Variants in POLR1E observed in about 807,000 individuals in gnomAD.
POLR1E encodes DNA-directed RNA polymerase I subunit RPA49.
Under a neutral mutation model 50.9 loss-of-function variants are expected in POLR1E, and 37 were observed. The ratio of observed to expected loss-of-function variants is 0.73; its 90% CI spans 0.56 to 0.96. The LOEUF (loss-of-function observed/expected upper bound fraction) is 0.96. Among genes scored for constraint, POLR1E ranks in the 40% least tolerant of loss-of-function variants. The pLI is 0.00. For synonymous variants in POLR1E, 166 were observed against 191.6 expected (o/e 0.87, Z 1.10); for missense variants, 426 against 518.1 (o/e 0.82, Z 1.73).
At chr9:37,499,525 G>A (rs981091781) in intron 9 of POLR1E, among the ~76,000 whole-genome samples, 11 of 93,908 alleles carry the variant, frequency 1.2e-4, no homozygotes, top group Non-Finnish European at 2.4e-5. Flanking sequence ...TTGTTTTTTT[G>A]TTTTGTTTTT....
At chr9:37,492,354 C>T in intron 4 of POLR1E, 1 of 1,284,154 alleles carries the variant, frequency 7.8e-7, no homozygotes, top group Non-Finnish European at 1.0e-6. Flanking sequence ...GTCTCTGCCA[C>T]TACCTGGTGA....
intron 2 of POLR1E, 138 bp downstream of exon 2, chr9:37,486,944 A>T: frequency 9.7e-7 from 1 of 1,030,108 alleles, no homozygotes; most frequent in Non-Finnish European, 1.4e-6. Flanking sequence ...GATGCCCAGC[A>T]GCCTGGGATG....
rs1820831394 is a variant in POLR1E, at chr9:37,499,027, A to G, written c.886+803A>G. On this transcript the variant is annotated intron_variant, in intron 9 of 11. Transcript: ENST00000377798. ...GCTGCTGTTCCTAGGCTGCAAACCT[A>G]TACAGCATGTTACTATACTGAATAT... 2.0e-5 allele frequency among the ~76,000 whole-genome samples: 3 copies of G among 152,246 alleles called. 1 individual carries two copies. In the South Asian group the frequency reaches 6.2e-4, roughly 31 times the overall value.
intron 9 of POLR1E, among the ~76,000 whole-genome samples, chr9:37,499,963 G>A (rs1820851859): frequency 6.6e-6 from 1 of 150,784 alleles, no homozygotes; most frequent in Non-Finnish European, 1.5e-5. Flanking sequence ...GGATTCTCCT[G>A]CCTCAGCCTC....
At position 37,501,706 on chromosome 9, in the gene POLR1E, T is replaced by C. The variant is rs762287133; in HGVS notation, c.969-7T>C. On this transcript the variant is annotated splice_region_variant and splice_polypyrimidine_tract_variant and intron_variant, in intron 10 of 11. Coordinates refer to ENST00000377798, the MANE Select transcript of POLR1E (RefSeq NM_022490.4). Reference sequence around the variant, plus strand: ...TTGTTTCTCCTTTATTGCCACTGATTTTCTAGATTACGGAACTTAATTTCG... The same window carrying C: ...TTGTTTCTCCTTTATTGCCACTGATCTTCTAGATTACGGAACTTAATTTCG... 1.2e-5 allele frequency: 19 copies of C among 1,603,144 alleles called. No individual in the cohort carries two copies. Among genetic ancestry groups the C allele is most frequent in the Middle Eastern group, 1.7e-4 (1 of 6,020 alleles).
At chr9:37,498,015 G>A (rs565814810) in intron 8 of POLR1E, 76 bp from the exon 9 acceptor site, 18 of 1,521,376 alleles carry the variant, frequency 1.2e-5, no homozygotes, top group South Asian at 6.1e-5. Flanking sequence ...TGCTGTTCTC[G>A]TTGTAAGAGG....
At chr9:37,488,003 C>T (rs960065792) in intron 3 of POLR1E, 64 bp downstream of exon 3, 15 of 1,497,418 alleles carry the variant, frequency 1.0e-5, no homozygotes, top group African/African-American at 1.4e-5. Flanking sequence ...AGCACTGGCA[C>T]TGCTGTTTCC....
intron 6 of POLR1E, among the ~76,000 whole-genome samples, chr9:37,494,518 G>A (rs1371960109): frequency 6.6e-6 from 1 of 152,150 alleles, no homozygotes; most frequent in African/African-American, 2.4e-5. Context: ...GCTCACTGCA[G>A]CCATAACCTC....
At chr9:37,490,779 T>C in intron 4 of POLR1E, 1 of 630,804 alleles carries the variant, frequency 1.6e-6, no homozygotes, top group East Asian at 3.7e-5. Flanking sequence ...ATGTCTACGA[T>C]ATCACCTTTC....
Position 37,489,367 on chromosome 9 carries a change from G to A in POLR1E, c.310G>A (p.Ala104Thr), listed in dbSNP as rs770354306. ...CTCTGGCCAAATGGAAGTATATGAT[G>A]CTGAATTGTTCAACATGCAGCCACT... ...KTSGQMEVYDAELFNMQPLFS... is the reference protein window; with the variant it reads ...KTSGQMEVYDTELFNMQPLFS... The change falls in exon 4 of 12, where the codon GCT (alanine) becomes ACT (threonine). Residue 104 changes from alanine (A) to threonine (T), a missense_variant. Ala to Thr is a moderately conservative substitution (Grantham distance 58). Transcript: ENST00000377798. The A allele has an allele frequency of 2.5e-6, 4 of 1,600,096 alleles. No homozygotes were observed. The highest frequency in any genetic ancestry group is 3.4e-6 in the Non-Finnish European group (4 of 1,176,894).
rs1456963321 is a variant in POLR1E, at chr9:37,490,747, T to C, written c.343+1347T>C. On this transcript the variant is annotated intron_variant, in intron 4 of 11. Transcript: ENST00000377798. Reference sequence around the variant, plus strand: ...GGTAACACTTGAGGGGCATTCCTTTTTGAACAGTACCCATTCCCTTGATGT... The same window carrying C: ...GGTAACACTTGAGGGGCATTCCTTTCTGAACAGTACCCATTCCCTTGATGT... 8 of 658,784 alleles carry C rather than the reference T, an allele frequency of 1.2e-5. No individual in the cohort carries two copies. The East Asian group carries it at 2.3e-4, about 19-fold the overall frequency. The allele number at this position is 658,784 out of a possible 1,614,324, so 40.8% of individuals were successfully genotyped here. A position where few individuals can be genotyped will look rare whatever the true frequency, so the allele number is the denominator to read the frequency against.
At chr9:37,486,221 GC>G in intron 1 of POLR1E, 98 bp downstream of exon 1, 1 of 1,421,512 alleles carries the variant, frequency 7.0e-7, no homozygotes, top group South Asian at 1.4e-5. Flanking sequence ...CTTCTCCCCA[GC>G]GGGGCCGGGA....
At chr9:37,486,619 G>A (rs773385469) in intron 1 of POLR1E, 84 bp from the exon 2 acceptor site, 91 of 1,613,952 alleles carry the variant, frequency 5.6e-5, no homozygotes, top group Non-Finnish European at 7.3e-5. Context: ...CTCCCTCCCA[G>A]TGACAGTCTA....
At chr9:37,496,570 TA>T (rs1381943331) in intron 8 of POLR1E, among the ~76,000 whole-genome samples, 2 of 151,540 alleles carry the variant, frequency 1.3e-5, no homozygotes, top group Non-Finnish European at 2.9e-5. Flanking sequence ...GTTTTTGTTT[TA>T]AAATTTTACT....
chr9:37,486,094 C>A lies in POLR1E; in HGVS notation c.47C>A (p.Ala16Glu). 1.2e-6 allele frequency: 2 copies of A among 1,602,216 alleles called. No individual in the cohort carries two copies. The highest frequency in any genetic ancestry group is 1.7e-6 in the Non-Finnish European group (2 of 1,175,740). Residue 16 changes from alanine (A) to glutamate (E), a missense_variant, in exon 1 of 12, where the codon GCG becomes GAG. Transcript: ENST00000377798. Reference protein sequence around the residue: ...LPSARWQYCGAPDGSQRAVLV... With the variant: ...LPSARWQYCGEPDGSQRAVLV... ...AGTGCGAGGTGGCAGTATTGTGGGG[C>A]GCCCGACGGGAGCCAGAGAGCTGTA... is the stretch of plus-strand genomic sequence containing the variant.
In POLR1E at chr9:37,485,948, CT is replaced by C; in HGVS notation, c.-96del. 1.4e-6 allele frequency: 2 copies of C among 1,480,160 alleles called. No homozygotes were observed. Among genetic ancestry groups the C allele is most frequent in the Non-Finnish European group, 9.2e-7 (1 of 1,086,904 alleles). The allele number at this position is 1,480,160 out of a possible 1,614,324, so 91.7% of individuals were successfully genotyped here. A position where few individuals can be genotyped will look rare whatever the true frequency, so the allele number is the denominator to read the frequency against. On this transcript the variant is annotated 5_prime_UTR_variant, in exon 1 of 12. Coordinates refer to ENST00000377798, the MANE Select transcript of POLR1E (RefSeq NM_022490.4). ...TGGGCGGTGCCCGGCGGGGCCACGCCTTTTCCGGCCCGCAGCGCGGCCTGGG... is the reference window on the plus strand; with the variant it reads ...TGGGCGGTGCCCGGCGGGGCCACGCCTTTCCGGCCCGCAGCGCGGCCTGGG...
At chr9:37,493,467 T>C in intron 5 of POLR1E, 92 bp from the exon 6 acceptor site, 1 of 1,176,676 alleles carries the variant, frequency 8.5e-7, no homozygotes, top group Non-Finnish European at 1.2e-6. Context: ...GTGATCACTC[T>C]GGGATGCTGA....
chr9:37,495,281 C>T lies in POLR1E; in HGVS notation c.655+5C>T, dbSNP rs766193488. 6 of 1,607,892 alleles carry T rather than the reference C, an allele frequency of 3.7e-6. No homozygotes were observed. Among genetic ancestry groups the T allele is most frequent in the Non-Finnish European group, 8.5e-7 (1 of 1,174,804 alleles). On this transcript the variant is annotated splice_donor_5th_base_variant and intron_variant, in intron 7 of 11. Coordinates refer to ENST00000377798, the MANE Select transcript of POLR1E (RefSeq NM_022490.4). ...ACGTGTATAAATTTGAAGATCGTAT[C>T]CTTCTTGCAGTAGAAAAGCTGCCTT...
chr9:37,503,335 T>C lies in POLR1E; in HGVS notation c.*133T>C, dbSNP rs187119512. 8.7e-7 allele frequency: 1 copy of C among 1,144,544 alleles called. No individual in the cohort carries two copies. Among genetic ancestry groups the C allele is most frequent in the Non-Finnish European group, 1.2e-6 (1 of 845,640 alleles). 70.9% of individuals were successfully genotyped at this position (1,144,544 alleles called of 1,614,324 possible). A position where few individuals can be genotyped will look rare whatever the true frequency, so the allele number is the denominator to read the frequency against. ...GCTCACACCTGAAATCCCAGCACTT[T>C]GGGAGGCCGAGGCAGGAAGATCATT... On this transcript the variant is annotated 3_prime_UTR_variant, in exon 12 of 12. Coordinates refer to ENST00000377798, the MANE Select transcript of POLR1E (RefSeq NM_022490.4).
Sources: allele counts gnomAD v4.1 joint callset (sites outside exome capture counted in the v4.1 genomes callset), GRCh38; gene constraint gnomAD v4.1.1; transcripts MANE v1.5; gene names NCBI Gene and HGNC (gene_info 2026-07-23, HGNC 2026-07-21).